Variants in TSNARE1 observed in about 807,000 individuals in gnomAD.
TSNARE1 encodes t-SNARE domain-containing protein 1.
A neutral mutation model predicts 62.0 loss-of-function variants in TSNARE1; 49 were observed. That is an observed-to-expected ratio of 0.79 (90% confidence interval 0.63 to 1.00). The LOEUF (loss-of-function observed/expected upper bound fraction) is 1.00. TSNARE1 is among the 50% of genes least tolerant of loss of function. The probability of loss-of-function intolerance (pLI) is 0.00; values close to 1 mark genes in which losing one functional copy is unlikely to be tolerated. For missense variants in TSNARE1, 755 were observed against 700.1 expected, an observed-to-expected ratio of 1.08 and a Z score of -0.88; for synonymous variants, 328 against 294.4, an observed-to-expected ratio of 1.11 and a Z score of -1.17.
At chr8:142,399,750 G>A (rs1838149253) in intron 1 of TSNARE1, among the ~76,000 whole-genome samples, 2 of 152,210 alleles carry the variant, frequency 1.3e-5, no homozygotes, top group Admixed American at 1.3e-4. Context: ...GGGCTGCTCA[G>A]GAGTCTGCTA....
chr8:142,291,753 C>T lies in TSNARE1; in HGVS notation c.1291-7268G>A, dbSNP rs1381968001. ...GAGCGGCAGGGGTTAGAGGACACCC[C>T]TGGAGTCAGGGCCTGCCAGTGAAAG... On this transcript the variant is annotated intron_variant, in intron 10 of 13. Coordinates refer to ENST00000524325, the MANE Select transcript of TSNARE1 (RefSeq NM_145003.5). This position sits in a 1 kb window ranked among gnomAD's most constrained non-coding sequence, Gnocchi z 4.8. 6.6e-6 allele frequency among the ~76,000 whole-genome samples: 1 copy of T among 152,140 alleles called. No individual in the cohort carries two copies. The highest frequency in any genetic ancestry group is 1.5e-5 in the Non-Finnish European group (1 of 68,002).
intron 12 of TSNARE1, among the ~76,000 whole-genome samples, chr8:142,240,193 G>C (rs1817615035): frequency 6.6e-6 from 1 of 152,168 alleles, no homozygotes; most frequent in African/African-American, 2.4e-5. Flanking sequence ...AGAAAGCTGG[G>C]ATAGTCCTGT....
At chr8:142,394,652 A>G (rs1837775222) in intron 1 of TSNARE1, among the ~76,000 whole-genome samples, 1 of 152,092 alleles carries the variant, frequency 6.6e-6, no homozygotes, top group Non-Finnish European at 1.5e-5. Flanking sequence ...TGCTTGCTTC[A>G]TGGTCTTGGG....
chr8:142,363,346 G>A (rs1835302434), intron 1 of TSNARE1, among the ~76,000 whole-genome samples: 1 of 152,164 alleles, frequency 6.6e-6, no homozygotes, highest in Non-Finnish European at 1.5e-5. Context: ...ACCGGTGGAG[G>A]TGGCCTGGGG....
intron 13 of TSNARE1, among the ~76,000 whole-genome samples, chr8:142,223,046 A>T (rs1816509297): frequency 4.8e-5 from 7 of 146,980 alleles, no homozygotes; most frequent in Non-Finnish European, 7.4e-5. Context: ...TCACTCACTC[A>T]CTCATTCACT....
At chr8:142,322,552 C>A (rs1183510659) in intron 6 of TSNARE1, among the ~76,000 whole-genome samples, 1 of 152,214 alleles carries the variant, frequency 6.6e-6, no homozygotes, top group Non-Finnish European at 1.5e-5. Flanking sequence ...AACTAATCAG[C>A]GAGTGAATCT....
chr8:142,360,607 C>T (rs997015534), intron 1 of TSNARE1, among the ~76,000 whole-genome samples: 1 of 152,006 alleles, frequency 6.6e-6, no homozygotes, highest in African/African-American at 2.4e-5. Flanking sequence ...AGGCTGGCGC[C>T]GGCCCTCCCC....
intron 6 of TSNARE1, among the ~76,000 whole-genome samples, chr8:142,330,533 C>T (rs1332527149): frequency 6.6e-6 from 1 of 152,236 alleles, no homozygotes; most frequent in Non-Finnish European, 1.5e-5. Context: ...CTGAGCAGGC[C>T]CCAACAGGGA....
intron 7 of TSNARE1, among the ~76,000 whole-genome samples, chr8:142,316,107 G>A (rs1035352662): frequency 2.0e-5 from 3 of 147,002 alleles, no homozygotes; most frequent in Non-Finnish European, 4.5e-5. Flanking sequence ...AGCGCCTCCC[G>A]TAAGAGGGAC....
intron 11 of TSNARE1, among the ~76,000 whole-genome samples, chr8:142,280,573 G>T (rs1016779731): frequency 2.0e-5 from 3 of 152,202 alleles, no homozygotes; most frequent in Non-Finnish European, 4.4e-5. Context: ...TGGTGGGTCA[G>T]CCCTGGTTTG....
At chr8:142,269,795 G>C in intron 12 of TSNARE1, 1 of 985,408 alleles carries the variant, frequency 1.0e-6, no homozygotes, top group Non-Finnish European at 1.2e-6. Context: ...AGCACCATGC[G>C]CACCCATAGA....
At chr8:142,230,573 G>T (rs964633425) in intron 12 of TSNARE1, among the ~76,000 whole-genome samples, 5 of 152,112 alleles carry the variant, frequency 3.3e-5, no homozygotes, top group African/African-American at 1.2e-4. Context: ...TGAAAGATGG[G>T]CAGGGGCCTA....
In TSNARE1 at chr8:142,291,949, A is replaced by C. The variant is rs2131088865; in HGVS notation, c.1291-7464T>G. ...TCAGCTGCCTCTCCCGTGGACGGTC[A>C]CAGCAACGCACGCCCCCCCCGGCCC... On this transcript the variant is annotated intron_variant, in intron 10 of 13. Transcript: ENST00000524325. The surrounding 1 kb of genome is among the most constrained non-coding windows in gnomAD (Gnocchi z 4.8). Among the ~76,000 whole-genome samples the C allele has an allele frequency of 6.6e-6, 1 of 152,030 alleles. No individual in the cohort carries two copies. Among genetic ancestry groups the C allele is most frequent in the Admixed American group, 6.5e-5 (1 of 15,272 alleles).
intron 6 of TSNARE1, among the ~76,000 whole-genome samples, chr8:142,320,579 C>G (rs34143103): frequency 0.23 from 34,555 of 152,096 alleles, 4,519 homozygotes; most frequent in African/African-American, 0.35. Context: ...CCCCACACCA[C>G]CCCTGGGTTC....
chr8:142,225,613 C>T (rs1459491139), intron 13 of TSNARE1, among the ~76,000 whole-genome samples: 4 of 152,230 alleles, frequency 2.6e-5, no homozygotes, highest in Non-Finnish European at 2.9e-5. Flanking sequence ...CTCAGAGCAG[C>T]TCCATACCTC....
chr8:142,377,614 G>T (rs1269167936), intron 1 of TSNARE1, among the ~76,000 whole-genome samples: 1 of 152,216 alleles, frequency 6.6e-6, no homozygotes, highest in Admixed American at 6.5e-5. Flanking sequence ...GAGGATGCCA[G>T]CACCTGCCAT....
At chr8:142,354,888 C>T in intron 1 of TSNARE1, 125 bp from the exon 2 acceptor site, 1 of 598,342 alleles carries the variant, frequency 1.7e-6, no homozygotes, top group Non-Finnish European at 3.0e-6. Context: ...TGTACCCATT[C>T]CCTAGGCTAC....
Position 142,331,023 on chromosome 8 carries a change from T to C in TSNARE1, c.824-53A>G, listed in dbSNP as rs1479555691. 5 of 1,528,794 alleles carry C rather than the reference T, an allele frequency of 3.3e-6. No homozygotes were observed. In the African/African-American group the frequency reaches 4.1e-5, roughly 13 times the overall value. 94.7% of individuals were successfully genotyped at this position (1,528,794 alleles called of 1,614,324 possible). On this transcript the variant is annotated intron_variant, in intron 5 of 13. Coordinates refer to ENST00000524325, the MANE Select transcript of TSNARE1 (RefSeq NM_145003.5). ...GGGCAGAAGGAGCTTCCCTGCCCCC[T>C]GCTACTCCATATGGGTGGCCCCACT...
intron 11 of TSNARE1, chr8:142,275,245 G>A: frequency 1.0e-6 from 1 of 985,444 alleles, no homozygotes; most frequent in South Asian, 4.7e-5. Context: ...CCCTCTGAAG[G>A]GGCAAAGCCC....
Sources: allele counts gnomAD v4.1 joint callset (sites outside exome capture counted in the v4.1 genomes callset), GRCh38; gene constraint gnomAD v4.1.1; non-coding constraint Gnocchi (gnomAD v3.1); transcripts MANE v1.5; gene names NCBI Gene and HGNC (gene_info 2026-07-23, HGNC 2026-07-21).